Variants in MPP4 observed in about 807,000 individuals in gnomAD.
MPP4 encodes the protein MAGUK p55 subfamily member 4.
In MPP4, 91 loss-of-function variants were observed where a neutral mutation model predicts 98.3. The ratio of observed to expected loss-of-function variants is 0.93; its 90% CI spans 0.78 to 1.10. The LOEUF (loss-of-function observed/expected upper bound fraction) is 1.10. Ranked by LOEUF, MPP4 falls within the 50% of genes least tolerant of loss-of-function variation. The pLI is 0.00. For synonymous variants in MPP4, 261 were observed against 271.8 expected (o/e 0.96, Z 0.39); for missense variants, 744 against 792.9 (o/e 0.94, Z 0.74).
chr2:201,653,705 A>T (rs1217656323), intron 18 of MPP4, among the ~76,000 whole-genome samples: 2 of 152,190 alleles, frequency 1.3e-5, no homozygotes, highest in Non-Finnish European at 2.9e-5. Context: ...TTACAATAAA[A>T]CAGGTTGTCT....
intron 4 of MPP4, among the ~76,000 whole-genome samples, chr2:201,688,918 G>A (rs1688916767): frequency 1.3e-5 from 2 of 152,124 alleles, no homozygotes; most frequent in African/African-American, 4.8e-5. Flanking sequence ...CACCCAGCCT[G>A]ATGAATTTAA....
chr2:201,689,886 C>A (rs940651204), intron 4 of MPP4, among the ~76,000 whole-genome samples: 1 of 151,980 alleles, frequency 6.6e-6, no homozygotes, highest in Admixed American at 6.6e-5. Context: ...AATCTCCAGG[C>A]TAGAGATATA....
chr2:201,667,622 A>G (rs745846557), intron 12 of MPP4, among the ~76,000 whole-genome samples: 1 of 152,218 alleles, frequency 6.6e-6, no homozygotes, highest in Non-Finnish European at 1.5e-5. Flanking sequence ...TCAGCACTTT[A>G]CATCTTGTTT....
Position 201,658,488 on chromosome 2 carries a change from T to C in MPP4, c.1118A>G (p.Lys373Arg). The change falls in exon 16 of 22, where the codon AAG becomes AGG. Residue 373 changes from lysine (K) to arginine (R), a missense_variant. By Grantham distance (26) the Lys-to-Arg change is conservative (BLOSUM62 2). Transcript: ENST00000409474. ...DKEEFVGYGQ[K>R]FFIAGFRRSM... is the part of the protein sequence containing the mutation. ...AATTTATCACCTACCTATAAAGAACTTCTGACCGTAGCCAACAAACTCCTC... is the reference window on the plus strand; with the variant it reads ...AATTTATCACCTACCTATAAAGAACCTCTGACCGTAGCCAACAAACTCCTC... 6.2e-7 allele frequency: 1 copy of C among 1,613,144 alleles called. No individual in the cohort carries two copies. The highest frequency in any genetic ancestry group is 1.7e-5 in the Admixed American group (1 of 59,870).
At chr2:201,653,536 T>G (rs1687776614) in intron 18 of MPP4, among the ~76,000 whole-genome samples, 1 of 152,224 alleles carries the variant, frequency 6.6e-6, no homozygotes, top group African/African-American at 2.4e-5. Flanking sequence ...CATTCCTCGT[T>G]ACAGATGTGC....
intron 11 of MPP4, among the ~76,000 whole-genome samples, chr2:201,671,260 A>G (rs143771740): frequency 0.01 from 1,574 of 152,278 alleles, 21 homozygotes; most frequent in Non-Finnish European, 0.017. Flanking sequence ...CAGGGAGCCA[A>G]GTGGTTTTGC....
chr2:201,658,382 G>A, intron 16 of MPP4, 95 bp downstream of exon 16: 3 of 1,026,228 alleles, frequency 2.9e-6, no homozygotes, highest in Middle Eastern at 2.0e-4. Context: ...GTCTGGAAAT[G>A]TTCATTAGCA....
chr2:201,665,978 A>G (rs1221065444), intron 13 of MPP4: 5 of 164,210 alleles, frequency 3.0e-5, no homozygotes, highest in Admixed American at 1.9e-4. Context: ...AATAAAATAT[A>G]TATATTGCTC....
chr2:201,689,080 C>T (rs536924806), intron 4 of MPP4, among the ~76,000 whole-genome samples: 1 of 152,170 alleles, frequency 6.6e-6, no homozygotes, highest in African/African-American at 2.4e-5. Flanking sequence ...GTAATCCCAG[C>T]ACTTTGGGAG....
At chr2:201,675,025 C>T in intron 11 of MPP4, 182 bp downstream of exon 11, 1 of 745,548 alleles carries the variant, frequency 1.3e-6, no homozygotes, top group African/African-American at 1.7e-5. Flanking sequence ...CACCCCCACG[C>T]CCTCCCCAAA....
Position 201,654,937 on chromosome 2 carries a change from C to A in MPP4, c.1301-20G>T. On this transcript the variant is annotated intron_variant, in intron 17 of 21. Coordinates refer to ENST00000409474, the MANE Select transcript of MPP4 (RefSeq NM_033066.3). ...AGGGTCCTAAACACAAAAAGTCACA[C>A]ACAGAAATCATCAGATGTGGATAAA... The A allele has an allele frequency of 6.7e-7, 1 of 1,502,434 alleles. No homozygotes were observed. The highest frequency in any genetic ancestry group is 1.4e-5 in the African/African-American group (1 of 72,332). The allele number at this position is 1,502,434 out of a possible 1,614,324, so 93.1% of individuals were successfully genotyped here.
intron 5 of MPP4, among the ~76,000 whole-genome samples, chr2:201,687,080 CAT>C (rs1286700741): frequency 6.6e-6 from 1 of 152,214 alleles, no homozygotes; most frequent in African/African-American, 2.4e-5. Context: ...GATGCCTCCT[CAT>C]AAACACAGCA....
At chr2:201,652,165 T>G in intron 18 of MPP4, 1 of 239,294 alleles carries the variant, frequency 4.2e-6, no homozygotes, top group Non-Finnish European at 6.8e-6. Flanking sequence ...CACAAAATTC[T>G]AGCAGTTTCC....
At chr2:201,665,367 G>GC (rs1187990592) in intron 13 of MPP4, 2 of 152,144 alleles carry the variant, frequency 1.3e-5, no homozygotes, top group Non-Finnish European at 2.9e-5. Flanking sequence ...ACCACGCCCG[G>GC]CCACATCATT....
At chr2:201,649,185 C>T (rs1398143861) in intron 20 of MPP4, among the ~76,000 whole-genome samples, 1 of 152,270 alleles carries the variant, frequency 6.6e-6, no homozygotes, top group Admixed American at 6.5e-5. Context: ...CTTGCTCACC[C>T]CTGCTCCATT....
Position 201,675,237 on chromosome 2 carries a change from G to C in MPP4, c.964C>G (p.Gln322Glu). 5 of 1,609,430 alleles carry C rather than the reference G, an allele frequency of 3.1e-6. No individual in the cohort carries two copies. Among genetic ancestry groups the C allele is most frequent in the Non-Finnish European group, 4.2e-6 (5 of 1,178,090 alleles). Residue 322 changes from glutamine to glutamate, a missense_variant, in exon 11 of 22, where the codon CAG (glutamine) becomes GAG (glutamate). Gln to Glu is a conservative substitution (Grantham distance 29). Transcript: ENST00000409474. ...GTTGACTTGAGGCAGGTGTGAGGCT[G>C]GTACGGCTGAGACCACCAGAATTCC... ...QREFWWSQPY[Q>E]PHTCLKSTLS...
intron 18 of MPP4, chr2:201,651,779 C>A (rs529840357): frequency 9.3e-6 from 4 of 430,716 alleles, no homozygotes; most frequent in East Asian, 1.6e-4. Context: ...CATGGTGAAA[C>A]CCCATCTCTA....
rs558191957 is a variant in MPP4 at position 201,680,982 on chromosome 2, G to C, written c.785C>G (p.Pro262Arg). 63 of 1,613,886 alleles carry C rather than the reference G, an allele frequency of 3.9e-5. 1 individual carries two copies. The Admixed American group carries it at 6.2e-4, about 16-fold the overall frequency. Reference sequence around the variant, plus strand: ...GAAAGGCAATCCAGCGTCCATGCAGGGGATGTCGGGATCCTCCTGGGGCCA... The same window carrying C: ...GAAAGGCAATCCAGCGTCCATGCAGCGGATGTCGGGATCCTCCTGGGGCCA... ...EYWPQEDPDIPCMDAGLPFQK... is the reference protein window; with the variant it reads ...EYWPQEDPDIRCMDAGLPFQK... The change falls in exon 10 of 22, where the codon CCC (proline) becomes CGC (arginine). Residue 262 changes from proline to arginine, a missense_variant. Transcript: ENST00000409474.
rs926232060 is a variant in MPP4 at position 201,683,521 on chromosome 2, G to C, written c.575-605C>G. On this transcript the variant is annotated intron_variant, in intron 7 of 21. Transcript: ENST00000409474. ...CCTAGCACTTTGGGAGGCCAAGGTA[G>C]GTGGACCACTTGAGGCCAGAAGTTC... Among the ~76,000 whole-genome samples the C allele has an allele frequency of 2.6e-5, 4 of 152,284 alleles. No homozygotes were observed. The East Asian group carries it at 5.8e-4, about 22-fold the overall frequency.
Sources: allele counts gnomAD v4.1 joint callset (sites outside exome capture counted in the v4.1 genomes callset), GRCh38; gene constraint gnomAD v4.1.1; transcripts MANE v1.5; gene names NCBI Gene and HGNC (gene_info 2026-07-23, HGNC 2026-07-21).